The following RRM1 variants were observed in gnomAD, a reference collection of about 807,000 sequenced individuals.
RRM1 encodes the protein ribonucleotide reductase catalytic subunit M1.
In RRM1, 19 loss-of-function variants were observed where a neutral mutation model predicts 101.5. That is an observed-to-expected ratio of 0.19 (90% CI 0.13 to 0.27). The LOEUF is 0.27. RRM1 is among the 10% of genes least tolerant of loss of function. RRM1 has a pLI of 1.00. For missense variants in RRM1, 500 were observed against 962.9 expected (o/e 0.52, Z 6.36); for synonymous variants, 298 against 323.4 (o/e 0.92, Z 0.84).
Position 4,101,993 on chromosome 11 carries a change from A to G in RRM1, c.20A>G (p.Asp7Gly). ...TTGCTAACATGATTTGATTCTTTAG[A>G]TGGCCGCCAAGAACGAGTCATGTTT... MHVIKR[D>G]GRQERVMFDK... The change falls in exon 2 of 19, where the codon GAT (aspartate) becomes GGT (glycine). Residue 7 changes from aspartate (D) to glycine (G), a missense_variant and splice_region_variant. By Grantham distance (94) the Asp-to-Gly change is moderately conservative. This residue lies in a region of RRM1 where 44 missense variants were observed against 119.4 expected (regional missense o/e 0.37). Coordinates refer to ENST00000300738, the MANE Select transcript of RRM1 (RefSeq NM_001033.5). 6.4e-7 allele frequency: 1 copy of G among 1,557,666 alleles called. No homozygotes were observed. The highest frequency in any genetic ancestry group is 1.4e-5 in the African/African-American group (1 of 73,662).
At chr11:4,136,673 T>C (rs1257944271) in intron 18 of RRM1, among the ~76,000 whole-genome samples, 2 of 152,122 alleles carry the variant, frequency 1.3e-5, no homozygotes, top group Non-Finnish European at 2.9e-5. Flanking sequence ...TTTATAGGCA[T>C]GTACTACCCC....
At chr11:4,130,173 G>A (rs1193517215) in intron 15 of RRM1, among the ~76,000 whole-genome samples, 1 of 143,298 alleles carries the variant, frequency 7.0e-6, no homozygotes, top group Non-Finnish European at 1.5e-5. Context: ...ATTAGTATAT[G>A]AACACAAATT....
intron 18 of RRM1, among the ~76,000 whole-genome samples, chr11:4,136,908 A>G (rs1206600901): frequency 6.6e-6 from 1 of 151,464 alleles, no homozygotes; most frequent in Non-Finnish European, 1.5e-5. Flanking sequence ...TAGGCAGAGG[A>G]CCCTGCGGCC....
At position 4,119,971 on chromosome 11, in the gene RRM1, G is replaced by C. The variant is rs1421677849; in HGVS notation, c.876+43G>C. The stretch of plus-strand genomic sequence containing the variant: ...AAAGTACTGGAAATCAGAACTAAAG[G>C]TGATTTAGTCATATACACTTAAGAT... On this transcript the variant is annotated intron_variant, in intron 9 of 18. Transcript: ENST00000300738. The C allele has an allele frequency of 3.4e-6, 4 of 1,171,654 alleles. No homozygotes were observed. The African/African-American group carries it at 4.5e-5, about 13-fold the overall frequency. The allele number at this position is 1,171,654 out of a possible 1,614,324, so 72.6% of individuals were successfully genotyped here.
At position 4,130,965 on chromosome 11, in the gene RRM1, C is replaced by G. The variant is rs550424619; in HGVS notation, c.1770-1321C>G. 5.3e-5 allele frequency among the ~76,000 whole-genome samples: 8 copies of G among 151,988 alleles called. No homozygotes were observed. The East Asian group carries it at 1.5e-3, about 29-fold the overall frequency. On this transcript the variant is annotated intron_variant, in intron 15 of 18. Coordinates refer to ENST00000300738, the MANE Select transcript of RRM1 (RefSeq NM_001033.5). ...AGTGACAGAGTAAGGTGGAGAACCA[C>G]CCCCCAAAAAAAGTAAATAAAAAAA... is the stretch of plus-strand genomic sequence containing the variant.
intron 2 of RRM1, 61 bp downstream of exon 2, chr11:4,102,142 CTT>C: frequency 2.3e-6 from 2 of 874,542 alleles, no homozygotes; most frequent in South Asian, 2.8e-5. Flanking sequence ...CCATTTGTCT[CTT>C]ATCCCTGGAC....
intron 12 of RRM1, among the ~76,000 whole-genome samples, chr11:4,126,034 C>G (rs1253472191): frequency 1.3e-5 from 2 of 152,206 alleles, no homozygotes; most frequent in African/African-American, 2.4e-5. Context: ...AGATGTGTTG[C>G]TAGTGCTAAA....
intron 14 of RRM1, among the ~76,000 whole-genome samples, chr11:4,127,823 C>T (rs1360551210): frequency 6.6e-6 from 1 of 152,178 alleles, no homozygotes; most frequent in Non-Finnish European, 1.5e-5. Flanking sequence ...AGGGATGCTG[C>T]CAATGTTAGT....
chr11:4,094,771 G>T (rs1407868602), upstream of RRM1: 16 of 582,828 alleles, frequency 2.7e-5, no homozygotes, highest in Non-Finnish European at 4.9e-5. Context: ...CCGCAGCGTC[G>T]AGTAACGTCA....
intron 2 of RRM1, among the ~76,000 whole-genome samples, chr11:4,104,331 T>C (rs982227712): frequency 6.6e-6 from 1 of 152,244 alleles, no homozygotes; most frequent in African/African-American, 2.4e-5. Flanking sequence ...GATTGCAGAC[T>C]GTTAAAATAG....
chr11:4,135,194 G>A lies in RRM1; in HGVS notation c.2114G>A (p.Ser705Asn). 6.2e-7 allele frequency: 1 copy of A among 1,613,778 alleles called. No individual in the cohort carries two copies. Among genetic ancestry groups the A allele is most frequent in the Non-Finnish European group, 8.5e-7 (1 of 1,179,830 alleles). Residue 705 changes from serine (S) to asparagine (N), a missense_variant, in exon 18 of 19, where the codon AGC becomes AAC. Coordinates refer to ENST00000300738, the MANE Select transcript of RRM1 (RefSeq NM_001033.5). ...AAERGAFIDQ[S>N]QSLNIHIAEP... ...GAGAGAGGTGCTTTCATTGATCAAA[G>A]CCAATCTTTGAACATCCACATTGCT...
intron 1 of RRM1, among the ~76,000 whole-genome samples, chr11:4,100,876 A>T (rs2133285442): frequency 6.6e-6 from 1 of 152,338 alleles, no homozygotes; most frequent in Admixed American, 6.5e-5. Flanking sequence ...GGCTTGTCTA[A>T]GGTTAAGGCT....
chr11:4,121,847 G>A, intron 10 of RRM1, 82 bp downstream of exon 10: 1 of 1,357,884 alleles, frequency 7.4e-7, no homozygotes, highest in Non-Finnish European at 1.0e-6. Context: ...TCATGCTTAG[G>A]AAGAGCCCAT....
At chr11:4,109,516 A>C (rs1410143568) in intron 4 of RRM1, 128 bp from the exon 5 acceptor site, 1 of 544,560 alleles carries the variant, frequency 1.8e-6, no homozygotes, top group East Asian at 3.1e-5. Context: ...TACAGTAATA[A>C]TGCTTAGTGT....
intron 17 of RRM1, 112 bp from the exon 18 acceptor site, chr11:4,134,970 G>A: frequency 1.3e-6 from 1 of 753,030 alleles, no homozygotes; most frequent in East Asian, 2.6e-5. Flanking sequence ...GAATGGTAAG[G>A]TCAGATCTGG....
chr11:4,107,368 T>G, intron 3 of RRM1, 67 bp from the exon 4 acceptor site: 1 of 1,079,270 alleles, frequency 9.3e-7, no homozygotes, highest in South Asian at 1.3e-5. Flanking sequence ...TTTTCAACTA[T>G]TACCTAAAGA....
rs1220326755 is a variant in RRM1 at position 4,127,289 on chromosome 11, G to C, written c.1692+33G>C. 3 of 1,437,086 alleles carry C rather than the reference G, an allele frequency of 2.1e-6. No individual in the cohort carries two copies. In the African/African-American group the frequency reaches 4.3e-5, roughly 20 times the overall value. 89.0% of individuals were successfully genotyped at this position (1,437,086 alleles called of 1,614,324 possible). On this transcript the variant is annotated intron_variant, in intron 14 of 18. Transcript: ENST00000300738. ...TATGGATGGAATTGTTTTTGCCTGT[G>C]AGTACCTGTAGTGGGCTGAATGGTG... is the stretch of plus-strand genomic sequence containing the variant.
Position 4,126,731 on chromosome 11 carries a change from A to G in RRM1, c.1368A>G (p.Thr456=). 3 of 1,613,840 alleles carry G rather than the reference A, an allele frequency of 1.9e-6. No individual in the cohort carries two copies. Among genetic ancestry groups the G allele is most frequent in the Non-Finnish European group, 2.5e-6 (3 of 1,179,796 alleles). ...LASLALNMYV[T]SEHTYDFKKL... Reference sequence around the variant, plus strand: ...CCCTGGCCCTGAATATGTATGTCACATCAGAACACACATACGACTTTAAGA... The same window carrying G: ...CCCTGGCCCTGAATATGTATGTCACGTCAGAACACACATACGACTTTAAGA... Residue 456 remains threonine, a synonymous_variant, in exon 13 of 19, where the codon ACA becomes ACG. Transcript: ENST00000300738.
At chr11:4,125,835 G>A (rs2094588605) in intron 12 of RRM1, among the ~76,000 whole-genome samples, 1 of 152,118 alleles carries the variant, frequency 6.6e-6, no homozygotes, top group Admixed American at 6.5e-5. Context: ...TGTGATTCAA[G>A]CTATATTTAA....
Sources: gnomAD v4.1 joint callset for allele counts (sites outside exome capture counted in the v4.1 genomes callset) on GRCh38, gnomAD v4.1.1 for gene constraint, gnomAD v4.1.1 regional missense constraint, MANE v1.5 for transcripts, NCBI Gene and HGNC (gene_info 2026-07-23, HGNC 2026-07-21) for gene names.